Variants in QRICH1 observed in about 807,000 individuals in gnomAD.
QRICH1 encodes glutamine rich 1.
A neutral mutation model predicts 87.1 loss-of-function variants in QRICH1; 16 were observed. That is an observed-to-expected ratio of 0.18 (90% CI 0.12 to 0.28). QRICH1 has a LOEUF of 0.28. Ranked by LOEUF, QRICH1 falls within the 10% of genes least tolerant of loss-of-function variation. The pLI, the probability that QRICH1 is intolerant of heterozygous loss-of-function variation, is 1.00. For synonymous variants in QRICH1, 367 were observed against 368.4 expected (o/e 1.00, Z 0.05); for missense variants, 647 against 951.7 (o/e 0.68, Z 4.21).
chr3:49,030,584 G>T lies in QRICH1; in HGVS notation c.2199C>A (p.Ala733=). ...TFYLTPEPVV[A]PNSPIWYSVQ... ...CTGAGTACCAGATTGGGCTGTTGGGGGCCACCACTGGCTCAGGTGTCAGGT... is the reference window on the plus strand; with the variant it reads ...CTGAGTACCAGATTGGGCTGTTGGGTGCCACCACTGGCTCAGGTGTCAGGT... Residue 733 remains alanine (A), a synonymous_variant, in exon 10 of 10, where the codon GCC becomes GCA. Transcript: ENST00000395443. 1 of 1,611,862 alleles carries T rather than the reference G, an allele frequency of 6.2e-7. No homozygotes were observed.
At chr3:49,065,233 C>T (rs1430168074) in intron 2 of QRICH1, among the ~76,000 whole-genome samples, 1 of 151,604 alleles carries the variant, frequency 6.6e-6, no homozygotes, top group African/African-American at 2.4e-5. Flanking sequence ...CAACCTTTGC[C>T]TCCTGGGTTC....
chr3:49,038,203 G>A (rs2093287529), intron 6 of QRICH1, among the ~76,000 whole-genome samples: 1 of 151,360 alleles, frequency 6.6e-6, no homozygotes, highest in Admixed American at 6.6e-5. Flanking sequence ...TGGGACTACA[G>A]GCACTCACCA....
In QRICH1 at chr3:49,077,061, A is replaced by G. The variant is rs530796893; in HGVS notation, c.-21-23T>C. ...TTCCTAGAAATAAACAGAAGTCAAAATTATGTTACTGTTTTTAGCAGGAAA... is the reference window on the plus strand; with the variant it reads ...TTCCTAGAAATAAACAGAAGTCAAAGTTATGTTACTGTTTTTAGCAGGAAA... On this transcript the variant is annotated intron_variant, in intron 1 of 9. Coordinates refer to ENST00000395443, the MANE Select transcript of QRICH1 (RefSeq NM_198880.3). 32 of 1,316,342 alleles carry G rather than the reference A, an allele frequency of 2.4e-5. No homozygotes were observed. The South Asian group carries it at 3.7e-4, about 15-fold the overall frequency. The allele number at this position is 1,316,342 out of a possible 1,614,324, so 81.5% of individuals were successfully genotyped here. A position where few individuals can be genotyped will look rare whatever the true frequency, so the allele number is the denominator to read the frequency against.
chr3:49,053,416 C>T (rs910851637), intron 3 of QRICH1, among the ~76,000 whole-genome samples: 1 of 137,126 alleles, frequency 7.3e-6, no homozygotes, highest in South Asian at 2.5e-4. Flanking sequence ...ACTCGGGAGG[C>T]GGAGGTTGCA....
chr3:49,047,624 C>T (rs1348655682), intron 3 of QRICH1, among the ~76,000 whole-genome samples: 1 of 151,316 alleles, frequency 6.6e-6, no homozygotes, highest in Non-Finnish European at 1.5e-5. Flanking sequence ...CCTGGGTTTA[C>T]AGGCATGCAC....
At chr3:49,093,243 C>G (rs1158179306) in intron 1 of QRICH1, 1 of 152,202 alleles carries the variant, frequency 6.6e-6, no homozygotes, top group Non-Finnish European at 1.5e-5. Context: ...TACCCAAGCA[C>G]CCGCACCGTA....
Position 49,032,650 on chromosome 3 carries a change from G to A in QRICH1, c.2019C>T (p.Ala673=). The part of the protein sequence containing the change: ...DKSTSIRYLK[A]LGIHQTGQKV... ...TCTGGCCAGTCTGGTGTATTCCAAG[G>A]GCCTTCAAGTACCGGATACTCGTGC... The change falls in exon 8 of 10, where the codon GCC becomes GCT. Residue 673 remains alanine (A), a synonymous_variant. Coordinates refer to ENST00000395443, the MANE Select transcript of QRICH1 (RefSeq NM_198880.3). 6.2e-7 allele frequency: 1 copy of A among 1,607,342 alleles called. No homozygotes were observed. The highest frequency in any genetic ancestry group is 1.7e-5 in the Admixed American group (1 of 58,246).
chr3:49,076,567 A>C (rs1230375016), intron 2 of QRICH1, 142 bp downstream of exon 2: 1 of 872,904 alleles, frequency 1.1e-6, no homozygotes, highest in African/African-American at 1.7e-5. Context: ...AGAAAGAAAA[A>C]ACTTTTAGTC....
chr3:49,032,457 G>A (rs1270257540), intron 8 of QRICH1, 165 bp downstream of exon 8: 6 of 975,110 alleles, frequency 6.2e-6, no homozygotes, highest in Non-Finnish European at 9.1e-6. Flanking sequence ...GGGCTTCTCT[G>A]CTTCTAGGAG....
intron 2 of QRICH1, among the ~76,000 whole-genome samples, chr3:49,076,334 G>T (rs1170844328): frequency 6.6e-6 from 1 of 152,226 alleles, no homozygotes; most frequent in Non-Finnish European, 1.5e-5. Context: ...GTTCCGGTGT[G>T]GAGAGCCCCT....
chr3:49,041,997 TC>T (rs1439061740), intron 6 of QRICH1, among the ~76,000 whole-genome samples: 1 of 151,096 alleles, frequency 6.6e-6, no homozygotes, highest in East Asian at 2.0e-4. Context: ...GGTGTCGGAC[TC>T]CTGGTCTCAA....
chr3:49,088,629 T>C (rs1465480674), intron 1 of QRICH1, among the ~76,000 whole-genome samples: 2 of 148,804 alleles, frequency 1.3e-5, no homozygotes, highest in African/African-American at 5.0e-5. Flanking sequence ...TTTTTTTTTT[T>C]TTTTTTTTTT....
Position 49,094,003 on chromosome 3 carries a change from C to G in QRICH1, c.-113G>C. On this transcript the variant is annotated 5_prime_UTR_variant, in exon 1 of 10. Transcript: ENST00000395443. ...GGACCCTGGTTCTGCCGTCGTCGCT[C>G]CAAGACCGACAGGGTTTTCTCCTCA... The G allele has an allele frequency of 2.5e-6, 1 of 399,474 alleles. No individual in the cohort carries two copies. Among genetic ancestry groups the G allele is most frequent in the South Asian group, 1.3e-4 (1 of 7,992 alleles). The allele number at this position is 399,474 out of a possible 1,614,324, so 24.7% of individuals were successfully genotyped here.
rs558964421 is a variant in QRICH1 at position 49,090,316 on chromosome 3, G to A, written c.-22+3596C>T. On this transcript the variant is annotated intron_variant, in intron 1 of 9. Coordinates refer to ENST00000395443, the MANE Select transcript of QRICH1 (RefSeq NM_198880.3). ...CTACTAAAACTACAAAAAATTAGCC[G>A]GGCATGGTGGCAGGCACCTGCAGTC... is the stretch of plus-strand genomic sequence containing the variant. Among the ~76,000 whole-genome samples, 34 of 152,146 alleles carry A rather than the reference G, an allele frequency of 2.2e-4. 1 individual carries two copies. Among genetic ancestry groups the A allele is most frequent in the Admixed American group, 2.0e-3 (30 of 15,278 alleles).
At position 49,043,727 on chromosome 3, in the gene QRICH1, T is replaced by C. The variant is rs546238474; in HGVS notation, c.1786+663A>G. ...CTGTAATCCCAGCTGCTCAGGAGGC[T>C]GAGGTAGGAGAATTGCCTGAATTGG... is the stretch of plus-strand genomic sequence containing the variant. On this transcript the variant is annotated intron_variant, in intron 6 of 9. Coordinates refer to ENST00000395443, the MANE Select transcript of QRICH1 (RefSeq NM_198880.3). 1.2e-3 allele frequency among the ~76,000 whole-genome samples: 182 copies of C among 151,366 alleles called. 2 individuals carry two copies. The highest frequency in any genetic ancestry group is 4.2e-3 in the African/African-American group (173 of 41,180).
At position 49,057,656 on chromosome 3, in the gene QRICH1, C is replaced by T; in HGVS notation, c.544G>A (p.Ala182Thr). 6.2e-7 allele frequency: 1 copy of T among 1,614,216 alleles called. No homozygotes were observed. Among genetic ancestry groups the T allele is most frequent in the South Asian group, 1.1e-5 (1 of 91,084 alleles). ...QHVQAAQQIQ[A>T]AEIPEEHIPH... ...ATGTGCTCCTCCGGGATTTCTGCAG[C>T]CTGGATCTGCTGGGCTGCTTGCACG... The change falls in exon 3 of 10, where the codon GCT becomes ACT. Residue 182 changes from alanine to threonine, a missense_variant. By Grantham distance (58) the Ala-to-Thr change is moderately conservative. Transcript: ENST00000395443. The surrounding 1 kb of genome is among the most constrained non-coding windows in gnomAD (Gnocchi z 5.4).
chr3:49,086,296 G>T (rs183114052), intron 1 of QRICH1, among the ~76,000 whole-genome samples: 1 of 144,856 alleles, frequency 6.9e-6, no homozygotes, highest in Non-Finnish European at 1.5e-5. Flanking sequence ...TCACTCTGTC[G>T]CCCAGGCTGG....
intron 2 of QRICH1, among the ~76,000 whole-genome samples, chr3:49,060,685 G>A (rs2106918601): frequency 6.6e-6 from 1 of 152,324 alleles, no homozygotes; most frequent in South Asian, 2.1e-4. Flanking sequence ...GACTAGTACT[G>A]GTCCGTAGGC....
At chr3:49,048,826 C>T (rs61008775) in intron 3 of QRICH1, among the ~76,000 whole-genome samples, 6,686 of 149,738 alleles carry the variant, frequency 0.045, 526 homozygotes, top group African/African-American at 0.16. Context: ...AGAAAGAAAC[C>T]TCACACTTGG....
Sources: allele counts gnomAD v4.1 joint callset (sites outside exome capture counted in the v4.1 genomes callset), GRCh38; gene constraint gnomAD v4.1.1; non-coding constraint Gnocchi (gnomAD v3.1); transcripts MANE v1.5; gene names NCBI Gene and HGNC (gene_info 2026-07-23, HGNC 2026-07-21).